KIF2A: variants seen among roughly 807,000 people sequenced by gnomAD.
The protein encoded by KIF2A is kinesin-like protein KIF2A.
Under a neutral mutation model 100.2 loss-of-function variants are expected in KIF2A, and 22 were observed. The observed-to-expected ratio is 0.22, with a 90% CI of 0.16 to 0.31. KIF2A has a LOEUF of 0.31. KIF2A is among the 10% of genes least tolerant of loss of function. The probability of loss-of-function intolerance (pLI) is 1.00; values close to 1 mark genes in which losing one functional copy is unlikely to be tolerated. For synonymous variants in KIF2A, 268 were observed against 285.9 expected (o/e 0.94, Z 0.63); for missense variants, 495 against 898.7 (o/e 0.55, Z 5.74).
At chr5:62,329,082 A>G (rs1410710569) in intron 1 of KIF2A, among the ~76,000 whole-genome samples, 1 of 152,078 alleles carries the variant, frequency 6.6e-6, no homozygotes, top group African/African-American at 2.4e-5. Flanking sequence ...TTTAAGTTGT[A>G]TTTTCGTAAT....
At chr5:62,329,941 C>T (rs1746551696) in intron 1 of KIF2A, among the ~76,000 whole-genome samples, 1 of 152,138 alleles carries the variant, frequency 6.6e-6, no homozygotes, top group Non-Finnish European at 1.5e-5. Context: ...TTTTCTATGA[C>T]TTAACTTGGA....
chr5:62,369,885 A>G (rs888087777), intron 16 of KIF2A, among the ~76,000 whole-genome samples: 1 of 152,222 alleles, frequency 6.6e-6, no homozygotes. Flanking sequence ...AGGACAAAAT[A>G]GGTTTAATAA....
In KIF2A at chr5:62,314,219, C is replaced by T. The variant is rs571583772; in HGVS notation, c.64+7683C>T. Among the ~76,000 whole-genome samples, 23 of 152,236 alleles carry T rather than the reference C, an allele frequency of 1.5e-4. No individual in the cohort carries two copies. In the South Asian group the frequency reaches 4.8e-3, roughly 32 times the overall value. On this transcript the variant is annotated intron_variant, in intron 1 of 20. Coordinates refer to ENST00000407818, the MANE Select transcript of KIF2A (RefSeq NM_001098511.3). Reference sequence around the variant, plus strand: ...TGGTGTCTCATGCCTGTAATCCCAGCACTTTGGGAGGCCTAGGCAGGAGGA... The same window carrying T: ...TGGTGTCTCATGCCTGTAATCCCAGTACTTTGGGAGGCCTAGGCAGGAGGA...
intron 17 of KIF2A, 133 bp downstream of exon 17, chr5:62,372,684 G>A: frequency 3.5e-6 from 2 of 573,430 alleles, no homozygotes; most frequent in Non-Finnish European, 6.1e-6. Context: ...GGCAGGTGGT[G>A]GTTGTACTGC....
rs186684936 is a variant in KIF2A at position 62,325,620 on chromosome 5, A to G, written c.64+19084A>G. Among the ~76,000 whole-genome samples, 225 of 152,316 alleles carry G rather than the reference A, an allele frequency of 1.5e-3. 2 individuals are homozygous for G. The highest frequency in any genetic ancestry group is 5.3e-3 in the African/African-American group (220 of 41,586). Reference sequence around the variant, plus strand: ...CCATCTCACACCAGTCACGATGGCTATTATTAAAAAGTCAAAAAAATAACA... The same window carrying G: ...CCATCTCACACCAGTCACGATGGCTGTTATTAAAAAGTCAAAAAAATAACA... On this transcript the variant is annotated intron_variant, in intron 1 of 20. Coordinates refer to ENST00000407818, the MANE Select transcript of KIF2A (RefSeq NM_001098511.3).
intron 9 of KIF2A, among the ~76,000 whole-genome samples, chr5:62,358,584 T>A (rs1440617811): frequency 2.0e-5 from 3 of 152,206 alleles, no homozygotes; most frequent in Non-Finnish European, 2.9e-5. Flanking sequence ...ATAAGAAATT[T>A]CGGGAAAATG....
intron 11 of KIF2A, 58 bp from the exon 12 acceptor site, chr5:62,362,392 G>GTTGCT: frequency 1.3e-6 from 1 of 774,856 alleles, no homozygotes; most frequent in Non-Finnish European, 1.9e-6. Context: ...GAAAATTTGA[G>GTTGCT]TTGCTTTTTA....
intron 20 of KIF2A, among the ~76,000 whole-genome samples, chr5:62,383,775 T>A (rs1741893696): frequency 6.6e-6 from 1 of 152,208 alleles, no homozygotes; most frequent in South Asian, 2.1e-4. Context: ...AGAAGACAGA[T>A]CCTAATGCAC....
intron 1 of KIF2A, chr5:62,308,504 A>G (rs1171382892): frequency 4.2e-6 from 3 of 717,042 alleles, no homozygotes; most frequent in Non-Finnish European, 7.5e-6. Flanking sequence ...CTAAATGTCC[A>G]TCGATGGGTG....
chr5:62,328,450 C>T (rs1746483215), intron 1 of KIF2A, among the ~76,000 whole-genome samples: 3 of 152,018 alleles, frequency 2.0e-5, no homozygotes, highest in Admixed American at 2.0e-4. Flanking sequence ...TCCTTTTCCC[C>T]AGCCCCAAAT....
At chr5:62,323,416 G>T (rs1746208833) in intron 1 of KIF2A, among the ~76,000 whole-genome samples, 1 of 151,398 alleles carries the variant, frequency 6.6e-6, no homozygotes, top group Admixed American at 6.6e-5. Context: ...CTAGCTACTT[G>T]GGAGGCTGAG....
chr5:62,375,453 G>C (rs938035898), intron 18 of KIF2A, among the ~76,000 whole-genome samples: 1 of 152,118 alleles, frequency 6.6e-6, no homozygotes, highest in Admixed American at 6.6e-5. Context: ...CTGATATTCT[G>C]AGGTTTAAAT....
At chr5:62,326,693 G>GAA (rs902056172) in intron 1 of KIF2A, among the ~76,000 whole-genome samples, 3 of 143,366 alleles carry the variant, frequency 2.1e-5, no homozygotes, top group Admixed American at 2.1e-4. Context: ...TCTCCCATCC[G>GAA]AAAAAAAAAA....
At chr5:62,350,433 A>G (rs1475963947) in intron 4 of KIF2A, among the ~76,000 whole-genome samples, 1 of 151,684 alleles carries the variant, frequency 6.6e-6, no homozygotes, top group African/African-American at 2.4e-5. Flanking sequence ...ATGAGCCACT[A>G]TGCCCAGCTA....
chr5:62,338,756 TGAAAA>T (rs1257810020), intron 1 of KIF2A, among the ~76,000 whole-genome samples: 3 of 151,924 alleles, frequency 2.0e-5, no homozygotes, highest in Non-Finnish European at 2.9e-5. Context: ...ATAAAGAACA[TGAAAA>T]GATAAGCCAC....
At chr5:62,314,780 T>TTTA (rs1255688053) in intron 1 of KIF2A, among the ~76,000 whole-genome samples, 1 of 144,222 alleles carries the variant, frequency 6.9e-6, no homozygotes, top group Non-Finnish European at 1.5e-5. Flanking sequence ...TTTTTTTTTT[T>TTTA]AAGATGGAGT....
At chr5:62,327,172 A>G (rs1284485720) in intron 1 of KIF2A, among the ~76,000 whole-genome samples, 3 of 152,078 alleles carry the variant, frequency 2.0e-5, no homozygotes, top group South Asian at 2.1e-4. Flanking sequence ...CCTGACCTCT[A>G]TACAGAATTT....
chr5:62,360,375 A>G (rs1196738766), intron 9 of KIF2A, among the ~76,000 whole-genome samples: 2 of 152,102 alleles, frequency 1.3e-5, no homozygotes, highest in Non-Finnish European at 2.9e-5. Flanking sequence ...GCAGTGGGTT[A>G]TACCAATACA....
chr5:62,349,663 C>T (rs189465655), intron 3 of KIF2A, among the ~76,000 whole-genome samples: 79 of 152,284 alleles, frequency 5.2e-4, no homozygotes, highest in Non-Finnish European at 1.2e-4. Flanking sequence ...GGGTTCTAAG[C>T]TGTCTAGAAC....
Sources: allele counts gnomAD v4.1 joint callset (sites outside exome capture counted in the v4.1 genomes callset), GRCh38; gene constraint gnomAD v4.1.1; transcripts MANE v1.5; gene names NCBI Gene and HGNC (gene_info 2026-07-23, HGNC 2026-07-21).